Variants in LRCH3 observed in about 807,000 individuals in gnomAD.
LRCH3 encodes DISP complex protein LRCH3.
A neutral mutation model predicts 104.5 loss-of-function variants in LRCH3; 68 were observed. The ratio of observed to expected loss-of-function variants is 0.65; its 90% CI spans 0.54 to 0.80. LRCH3 has a LOEUF of 0.80. Ranked by LOEUF, LRCH3 falls within the 30% of genes least tolerant of loss-of-function variation. LRCH3 has a pLI of 0.00. For synonymous variants in LRCH3, 344 were observed against 361.3 expected (o/e 0.95, Z 0.54); for missense variants, 951 against 953.9 (o/e 1.00, Z 0.04).
At chr3:197,797,362 T>A (rs1731340574) in intron 1 of LRCH3, among the ~76,000 whole-genome samples, 1 of 138,310 alleles carries the variant, frequency 7.2e-6, no homozygotes. Context: ...TAGAGTGAAG[T>A]TAATTAAGGC....
chr3:197,791,249 C>T (rs1313567091), upstream of LRCH3: 4 of 1,603,396 alleles, frequency 2.5e-6, no homozygotes, highest in African/African-American at 2.7e-5. Context: ...ATGCGCTGAG[C>T]TGGCGGGCCC....
At chr3:197,858,230 T>G in intron 14 of LRCH3, among the ~76,000 whole-genome samples, 1 of 152,310 alleles carries the variant, frequency 6.6e-6, no homozygotes, top group East Asian at 1.9e-4. Flanking sequence ...TGACAATAAT[T>G]ATATAGATAC....
chr3:197,859,161 G>T (rs764060918), intron 15 of LRCH3: 16 of 444,450 alleles, frequency 3.6e-5, no homozygotes, highest in South Asian at 8.0e-5. Context: ...TTTATCAAAG[G>T]TGTTTTTCTT....
In LRCH3 at chr3:197,883,180, T is replaced by C; in HGVS notation, c.2209-361T>C. ...CTGGTAGCGTGGAATTGTTTTTCTA[T>C]TTTTCACCTGCCTATTTTATAGACC... On this transcript the variant is annotated intron_variant, in intron 20 of 20. Coordinates refer to ENST00000425562, the MANE Select transcript of LRCH3 (RefSeq NM_001365715.1). This position sits in a 1 kb window ranked among gnomAD's most constrained non-coding sequence, Gnocchi z 4.2. 4.0e-6 allele frequency: 4 copies of C among 993,992 alleles called. No homozygotes were observed. The highest frequency in any genetic ancestry group is 3.6e-6 in the Non-Finnish European group (3 of 835,688). The allele number at this position is 993,992 out of a possible 1,614,324, so 61.6% of individuals were successfully genotyped here. A position where few individuals can be genotyped will look rare whatever the true frequency, so the allele number is the denominator to read the frequency against.
chr3:197,820,777 C>G (rs1580642982), intron 4 of LRCH3, among the ~76,000 whole-genome samples: 1 of 152,070 alleles, frequency 6.6e-6, no homozygotes, highest in South Asian at 2.1e-4. Flanking sequence ...TCACTGCACT[C>G]TAGCCTGAGC....
intron 20 of LRCH3, chr3:197,881,462 T>G (rs1241865373): frequency 1.6e-5 from 16 of 985,374 alleles, no homozygotes; most frequent in South Asian, 4.7e-5. Flanking sequence ...CCTTCCAGAT[T>G]GTGTTTGTTA....
rs1217312342 is a variant in LRCH3 at position 197,791,257 on chromosome 3, C to A, written c.-22C>A. On this transcript the variant is annotated 5_prime_UTR_variant, in exon 1 of 21. Transcript: ENST00000425562. ...GCCGCGCATGCGCTGAGCTGGCGGG[C>A]CCGAGTGTTGTCGGCTGGGAAATGG... 6.2e-7 allele frequency: 1 copy of A among 1,605,756 alleles called. No individual in the cohort carries two copies. Among genetic ancestry groups the A allele is most frequent in the Non-Finnish European group, 8.5e-7 (1 of 1,177,764 alleles).
intron 1 of LRCH3, among the ~76,000 whole-genome samples, chr3:197,809,134 C>A (rs2109150212): frequency 6.6e-6 from 1 of 151,858 alleles, no homozygotes; most frequent in East Asian, 1.9e-4. Flanking sequence ...GTCTTCTCTA[C>A]CAAAAATACA....
chr3:197,861,004 T>C (rs1311826362), intron 15 of LRCH3, among the ~76,000 whole-genome samples: 1 of 148,948 alleles, frequency 6.7e-6, no homozygotes, highest in Non-Finnish European at 1.5e-5. Flanking sequence ...GGAGTTTTGC[T>C]CTTGTTGCCC....
intron 19 of LRCH3, among the ~76,000 whole-genome samples, chr3:197,873,619 G>A (rs1013136417): frequency 6.6e-6 from 1 of 152,164 alleles, no homozygotes; most frequent in African/African-American, 2.4e-5. Context: ...CTGCTACTCA[G>A]GAAGCTGTGG....
intron 10 of LRCH3, among the ~76,000 whole-genome samples, chr3:197,847,087 A>G (rs1336130177): frequency 6.6e-6 from 1 of 152,244 alleles, no homozygotes; most frequent in Non-Finnish European, 1.5e-5. Context: ...CATGGTGGTA[A>G]CGAAGATAAT....
chr3:197,851,286 A>G (rs1020782734), intron 12 of LRCH3, among the ~76,000 whole-genome samples: 6 of 152,202 alleles, frequency 3.9e-5, no homozygotes, highest in Non-Finnish European at 7.3e-5. Flanking sequence ...TTAAATGTCA[A>G]ATTAGTGTTG....
rs551150158 is a variant in LRCH3, at chr3:197,806,034, C to G, written c.263-8874C>G. On this transcript the variant is annotated intron_variant, in intron 1 of 20. Coordinates refer to ENST00000425562, the MANE Select transcript of LRCH3 (RefSeq NM_001365715.1). Reference sequence around the variant, plus strand: ...GTCTGCCTCCCGGGTTCAAGTGATTCTCCTGTCTCAGCCTCCCGAGTAGCT... The same window carrying G: ...GTCTGCCTCCCGGGTTCAAGTGATTGTCCTGTCTCAGCCTCCCGAGTAGCT... Among the ~76,000 whole-genome samples the G allele has an allele frequency of 1.2e-4, 18 of 152,000 alleles. No homozygotes were observed. In the East Asian group the frequency reaches 3.1e-3, roughly 26 times the overall value.
intron 19 of LRCH3, among the ~76,000 whole-genome samples, chr3:197,873,789 C>T (rs944429352): frequency 5.3e-5 from 8 of 151,880 alleles, no homozygotes; most frequent in African/African-American, 1.9e-4. Flanking sequence ...TTGGGAGGCC[C>T]AGGTGGGCAG....
rs1296450377 is a variant in LRCH3 at position 197,829,690 on chromosome 3, C to T, written c.887+17C>T. The T allele has an allele frequency of 1.3e-6, 2 of 1,502,966 alleles. No homozygotes were observed. The highest frequency in any genetic ancestry group is 1.8e-6 in the Non-Finnish European group (2 of 1,099,976). The allele number at this position is 1,502,966 out of a possible 1,614,324, so 93.1% of individuals were successfully genotyped here. ...TGGCTCCTGGTAAGTATATTCTGTC[C>T]CTTTATCTATCATATTTTTTGTACA... On this transcript the variant is annotated intron_variant, in intron 6 of 20. Coordinates refer to ENST00000425562, the MANE Select transcript of LRCH3 (RefSeq NM_001365715.1).
intron 17 of LRCH3, among the ~76,000 whole-genome samples, chr3:197,867,620 G>A (rs1230464358): frequency 4.6e-5 from 7 of 151,976 alleles, no homozygotes; most frequent in Non-Finnish European, 7.4e-5. Flanking sequence ...TTGGGAGGCT[G>A]AGGCGGGCAG....
At chr3:197,792,654 T>A (rs1263276328) in intron 1 of LRCH3, among the ~76,000 whole-genome samples, 2 of 120,718 alleles carry the variant, frequency 1.7e-5, no homozygotes, top group Non-Finnish European at 3.4e-5. Flanking sequence ...ATATAAAATA[T>A]ATATATATTT....
intron 1 of LRCH3, 77 bp downstream of exon 1, chr3:197,791,617 G>A (rs911157759): frequency 6.9e-7 from 1 of 1,446,240 alleles, no homozygotes; most frequent in Non-Finnish European, 9.1e-7. Flanking sequence ...AGGCGGATGC[G>A]GGGGAGTTAC....
At chr3:197,793,263 A>G (rs1730836098) in intron 1 of LRCH3, among the ~76,000 whole-genome samples, 1 of 152,254 alleles carries the variant, frequency 6.6e-6, no homozygotes, top group South Asian at 2.1e-4. Flanking sequence ...AGTTTAAAAT[A>G]GAAGAAATTA....
Sources: gnomAD v4.1 joint callset for allele counts (sites outside exome capture counted in the v4.1 genomes callset) on GRCh38, gnomAD v4.1.1 for gene constraint, Gnocchi (gnomAD v3.1) non-coding constraint, MANE v1.5 for transcripts, NCBI Gene and HGNC (gene_info 2026-07-23, HGNC 2026-07-21) for gene names.